ATM: variants seen among roughly 807,000 people sequenced by gnomAD.
The protein encoded by ATM is ATM serine/threonine kinase.
Under a neutral mutation model 387.0 loss-of-function variants are expected in ATM, and 308 were observed. That is an observed-to-expected ratio of 0.80 (90% CI 0.73 to 0.87). The LOEUF (loss-of-function observed/expected upper bound fraction) is 0.87, where lower values mean the gene tolerates loss of function less well. ATM is among the 40% of genes least tolerant of loss of function. ATM has a pLI of 0.00. For synonymous variants in ATM, 1,156 were observed against 1,187.3 expected (o/e 0.97, Z 0.54); for missense variants, 3,312 against 3,560.9 (o/e 0.93, Z 1.78).
chr11:108,244,377 T>C (rs889082191), intron 6 of ATM, among the ~76,000 whole-genome samples: 1 of 152,156 alleles, frequency 6.6e-6, no homozygotes, highest in Non-Finnish European at 1.5e-5. Flanking sequence ...ATCCTCTAAG[T>C]CATTGCATTT....
At chr11:108,276,631 A>G (rs1175042747) in intron 22 of ATM, among the ~76,000 whole-genome samples, 1 of 152,036 alleles carries the variant, frequency 6.6e-6, no homozygotes, top group Non-Finnish European at 1.5e-5. Context: ...TCTGCTGCAG[A>G]TCTGCTGGAG....
intron 3 of ATM, among the ~76,000 whole-genome samples, chr11:108,228,402 A>G (rs547952660): frequency 1.3e-5 from 2 of 152,354 alleles, no homozygotes; most frequent in African/African-American, 2.4e-5. Context: ...GCATTTTTAC[A>G]TTGAGACATC....
chr11:108,321,531 C>T, intron 45 of ATM, 111 bp downstream of exon 45: 1 of 1,506,684 alleles, frequency 6.6e-7, no homozygotes, highest in East Asian at 2.3e-5. Flanking sequence ...GCCTGTAATC[C>T]TAGCACTTTA....
intron 8 of ATM, among the ~76,000 whole-genome samples, chr11:108,247,799 T>C (rs2079928955): frequency 1.3e-5 from 2 of 151,872 alleles, no homozygotes. Flanking sequence ...TTTCACCATA[T>C]TGGCCAGCCT....
At chr11:108,363,334 A>G (rs1259342807) in intron 61 of ATM, among the ~76,000 whole-genome samples, 1 of 151,938 alleles carries the variant, frequency 6.6e-6, no homozygotes. Flanking sequence ...ACCTGGGTGT[A>G]TTTCCCTTTT....
intron 56 of ATM, among the ~76,000 whole-genome samples, chr11:108,342,793 C>A (rs1233756225): frequency 3.9e-5 from 6 of 152,094 alleles, no homozygotes; most frequent in Non-Finnish European, 1.5e-5. Context: ...CATGTAATTT[C>A]AATAATGAAG....
rs370062602 is a variant in ATM, at chr11:108,366,437, C to T, written c.*929C>T. 16 of 220,912 alleles carry T rather than the reference C, an allele frequency of 7.2e-5. No homozygotes were observed. Among genetic ancestry groups the T allele is most frequent in the African/African-American group, 3.6e-4 (16 of 44,670 alleles). 13.7% of individuals were successfully genotyped at this position (220,912 alleles called of 1,614,324 possible). ...TTATGTCACTAATTATTTTAAATGT[C>T]TGTACTTGATAGACACTGTAATAGT... On this transcript the variant is annotated 3_prime_UTR_variant, in exon 63 of 63. Transcript: ENST00000675843.
intron 61 of ATM, among the ~76,000 whole-genome samples, chr11:108,357,957 C>T (rs1214831184): frequency 2.0e-5 from 3 of 150,132 alleles, no homozygotes; most frequent in South Asian, 2.1e-4. Context: ...ATGACTTTGA[C>T]GAGCTGAGAG....
intron 23 of ATM, 78 bp downstream of exon 23, chr11:108,279,686 T>C (rs1213393934): frequency 6.0e-6 from 7 of 1,159,172 alleles, no homozygotes; most frequent in Non-Finnish European, 9.1e-6. Flanking sequence ...CCAAGTTTGG[T>C]ATAAGAGAGT....
At chr11:108,249,923 T>C (rs188168870) in intron 9 of ATM, among the ~76,000 whole-genome samples, 159 of 152,298 alleles carry the variant, frequency 1.0e-3, no homozygotes, top group Non-Finnish European at 1.9e-3. Flanking sequence ...ACACCTGTTA[T>C]GGGCTAAGCG....
chr11:108,287,561 A>G (rs778072373), intron 26 of ATM, 39 bp from the exon 27 acceptor site: 9 of 1,323,744 alleles, frequency 6.8e-6, no homozygotes, highest in Non-Finnish European at 9.6e-6. Context: ...GTTCACAGAT[A>G]TAAAATATTA....
At chr11:108,226,846 AC>A (rs2134990737) in intron 1 of ATM, 1 of 152,228 alleles carries the variant, frequency 6.6e-6, no homozygotes, top group Admixed American at 6.6e-5. Flanking sequence ...AGCTGGGACT[AC>A]AAGAGCACAC....
In ATM at chr11:108,325,493, C is replaced by T. The variant is rs1008212556; in HGVS notation, c.6756C>T (p.Thr2252=). 1 of 1,613,144 alleles carries T rather than the reference C, an allele frequency of 6.2e-7. No homozygotes were observed. The highest frequency in any genetic ancestry group is 8.5e-7 in the Non-Finnish European group (1 of 1,179,784). Residue 2252 remains threonine, a synonymous_variant, in exon 46 of 63, where the codon ACC becomes ACT. Transcript: ENST00000675843. ...GAGAATGTATTAAGGACATTCTCAC[C>T]AAACACCTTGTAGAACTCTCTATAC... is the stretch of plus-strand genomic sequence containing the variant. ...SQRECIKDIL[T]KHLVELSILA...
At chr11:108,232,916 G>A (rs974466890) in intron 4 of ATM, among the ~76,000 whole-genome samples, 1 of 151,340 alleles carries the variant, frequency 6.6e-6, no homozygotes, top group South Asian at 2.1e-4. Context: ...AGGCTAGAGT[G>A]CAATGGCGCC....
chr11:108,263,101 C>G (rs1335114278), intron 16 of ATM, among the ~76,000 whole-genome samples: 3 of 151,008 alleles, frequency 2.0e-5, no homozygotes, highest in African/African-American at 4.9e-5. Flanking sequence ...ACAAGTATAC[C>G]CAGGAATTGA....
At position 108,292,758 on chromosome 11, in the gene ATM, C is replaced by T. The variant is rs748898098; in HGVS notation, c.4576C>T (p.Pro1526Ser). ...HLHVIVGTLIPLVYEQVEVQK... is the reference protein window; with the variant it reads ...HLHVIVGTLISLVYEQVEVQK... ...TCATGTTATTGTTGGTACACTTATACCCCTTGTGTATGAGCAGGTGGAGGT... is the reference window on the plus strand; with the variant it reads ...TCATGTTATTGTTGGTACACTTATATCCCTTGTGTATGAGCAGGTGGAGGT... The change falls in exon 30 of 63, where the codon CCC becomes TCC. Residue 1526 changes from proline (P) to serine (S), a missense_variant. Pro to Ser is a moderately conservative substitution (Grantham distance 74, BLOSUM62 -1). Coordinates refer to ENST00000675843, the MANE Select transcript of ATM (RefSeq NM_000051.4). 1 of 1,613,978 alleles carries T rather than the reference C, an allele frequency of 6.2e-7. No individual in the cohort carries two copies.
At chr11:108,300,889 T>C (rs2083393642) in intron 34 of ATM, among the ~76,000 whole-genome samples, 1 of 147,944 alleles carries the variant, frequency 6.8e-6, no homozygotes, top group Non-Finnish European at 1.5e-5. Context: ...TTTTTTTTTT[T>C]TTTTTTTTTT....
At chr11:108,229,127 A>G (rs780563341) in intron 3 of ATM, 51 bp from the exon 4 acceptor site, 10 of 1,556,002 alleles carry the variant, frequency 6.4e-6, no homozygotes, top group Non-Finnish European at 7.9e-6. Context: ...TGAAATTATT[A>G]TAATTTAAGT....
chr11:108,320,962 C>T (rs751707830), intron 44 of ATM, among the ~76,000 whole-genome samples: 14 of 152,176 alleles, frequency 9.2e-5, no homozygotes, highest in Non-Finnish European at 1.8e-4. Context: ...AGGAAGAGAA[C>T]ATATATTTAC....
Sources: gnomAD v4.1 joint callset for allele counts (sites outside exome capture counted in the v4.1 genomes callset) on GRCh38, gnomAD v4.1.1 for gene constraint, MANE v1.5 for transcripts, NCBI Gene and HGNC (gene_info 2026-07-23, HGNC 2026-07-21) for gene names.